Variants in SLC25A37 observed in about 807,000 individuals in gnomAD.
SLC25A37 encodes mitoferrin-1.
SLC25A37 carries 17 observed loss-of-function variants against 31.0 expected under a neutral mutation model. The ratio of observed to expected loss-of-function variants is 0.55; its 90% CI spans 0.38 to 0.82. SLC25A37 has a LOEUF of 0.82. Ranked by LOEUF, SLC25A37 falls within the 40% of genes least tolerant of loss-of-function variation. The probability of loss-of-function intolerance (pLI) is 0.00; values close to 1 mark genes in which losing one functional copy is unlikely to be tolerated. For synonymous variants in SLC25A37, 222 were observed against 193.0 expected (o/e 1.15, Z -1.24); for missense variants, 404 against 465.8 (o/e 0.87, Z 1.22).
chr8:23,529,463 C>T lies in SLC25A37; in HGVS notation c.210+251C>T, dbSNP rs1180218327. ...CCAGCCGCGTGCCCGGCCCCGGCTG[C>T]TGGCGGCGCTGAGGCGGGGGAGGCG... On this transcript the variant is annotated intron_variant, in intron 1 of 3. Coordinates refer to ENST00000519973, the MANE Select transcript of SLC25A37 (RefSeq NM_016612.4). The surrounding 1 kb of genome is among the most constrained non-coding windows in gnomAD (Gnocchi z 4.1). 2.6e-5 allele frequency among the ~76,000 whole-genome samples: 4 copies of T among 151,996 alleles called. No homozygotes were observed. Among genetic ancestry groups the T allele is most frequent in the African/African-American group, 7.2e-5 (3 of 41,534 alleles).
intron 1 of SLC25A37, among the ~76,000 whole-genome samples, chr8:23,544,648 C>G (rs1242927974): frequency 6.6e-6 from 1 of 152,174 alleles, no homozygotes; most frequent in Non-Finnish European, 1.5e-5. Context: ...GTATCTCTAT[C>G]TAGACCTGAA....
chr8:23,549,296 C>G (rs1298582420), intron 1 of SLC25A37, among the ~76,000 whole-genome samples: 1 of 152,140 alleles, frequency 6.6e-6, no homozygotes, highest in Non-Finnish European at 1.5e-5. Context: ...CTCCTCCTCT[C>G]ACTTTTGGAA....
At chr8:23,532,413 T>G (rs1029171464) in intron 1 of SLC25A37, among the ~76,000 whole-genome samples, 2 of 152,162 alleles carry the variant, frequency 1.3e-5, no homozygotes, top group Admixed American at 6.5e-5. Context: ...TTTCTGGTGT[T>G]CCAGAGTGGC....
In SLC25A37 at chr8:23,564,416, G is replaced by A. The variant is rs558376034; in HGVS notation, c.211-1692G>A. On this transcript the variant is annotated intron_variant, in intron 1 of 3. Coordinates refer to ENST00000519973, the MANE Select transcript of SLC25A37 (RefSeq NM_016612.4). ...TTATGATTTTGTTTGGAGATAAAAGGATACCCCTGCCAAAAGTTGAAAAGC... is the reference window on the plus strand; with the variant it reads ...TTATGATTTTGTTTGGAGATAAAAGAATACCCCTGCCAAAAGTTGAAAAGC... Among the ~76,000 whole-genome samples, 5 of 140,488 alleles carry A rather than the reference G, an allele frequency of 3.6e-5. No homozygotes were observed. In the South Asian group the frequency reaches 9.9e-4, roughly 28 times the overall value. The allele number at this position is 140,488 out of a possible 152,430, so 92.2% of individuals were successfully genotyped here.
At chr8:23,553,556 A>G (rs1452481800) in intron 1 of SLC25A37, among the ~76,000 whole-genome samples, 2 of 152,200 alleles carry the variant, frequency 1.3e-5, no homozygotes, top group Non-Finnish European at 2.9e-5. Context: ...GGCCCTGGGT[A>G]GTCTAGCTTA....
At chr8:23,536,398 A>G (rs1293439686) in intron 1 of SLC25A37, among the ~76,000 whole-genome samples, 2 of 151,786 alleles carry the variant, frequency 1.3e-5, no homozygotes, top group Non-Finnish European at 1.5e-5. Context: ...CCTCACAGAG[A>G]CTTCTGGCTA....
At chr8:23,533,329 G>A (rs1801698771) in intron 1 of SLC25A37, among the ~76,000 whole-genome samples, 1 of 152,154 alleles carries the variant, frequency 6.6e-6, no homozygotes, top group Non-Finnish European at 1.5e-5. Flanking sequence ...AGTAGGGAGA[G>A]GTATTTGGGG....
At position 23,571,444 on chromosome 8, in the gene SLC25A37, C is replaced by T. The variant is rs762626964; in HGVS notation, c.606C>T (p.Thr202=). 1.2e-6 allele frequency: 2 copies of T among 1,614,010 alleles called. No individual in the cohort carries two copies. Among genetic ancestry groups the T allele is most frequent in the Non-Finnish European group, 8.5e-7 (1 of 1,179,888 alleles). Residue 202 remains threonine, a synonymous_variant, in exon 4 of 4, where the codon ACC becomes ACT. Coordinates refer to ENST00000519973, the MANE Select transcript of SLC25A37 (RefSeq NM_016612.4). ...EGLGAFYRSY[T]TQLTMNIPFQ... is the part of the protein sequence containing the mutation. ...TGGGGGCCTTCTACCGGAGCTACAC[C>T]ACGCAGCTGACCATGAACATCCCCT...
At chr8:23,563,197 T>A (rs55719264) in intron 1 of SLC25A37, among the ~76,000 whole-genome samples, 4 of 152,194 alleles carry the variant, frequency 2.6e-5, no homozygotes, top group Non-Finnish European at 5.9e-5. Flanking sequence ...TAATTTTTAA[T>A]TTTTTTTAAG....
At chr8:23,530,333 A>G (rs1039610698) in intron 1 of SLC25A37, among the ~76,000 whole-genome samples, 3 of 152,230 alleles carry the variant, frequency 2.0e-5, no homozygotes, top group African/African-American at 4.8e-5. Context: ...TTTGCAAGGC[A>G]GGTCCCACAG....
Position 23,529,224 on chromosome 8 carries a change from G to T in SLC25A37, c.210+12G>T. ...TGGACTCGGTGAAGGTGAGGCGCGG[G>T]GAGACTTCGGGGACGCAACGAGCGG... is the stretch of plus-strand genomic sequence containing the variant. On this transcript the variant is annotated intron_variant, in intron 1 of 3. Transcript: ENST00000519973. This position sits in a 1 kb window ranked among gnomAD's most constrained non-coding sequence, Gnocchi z 4.1. 2.5e-6 allele frequency: 4 copies of T among 1,602,078 alleles called. No individual in the cohort carries two copies. The highest frequency in any genetic ancestry group is 3.4e-6 in the Non-Finnish European group (4 of 1,175,286).
At chr8:23,569,402 T>TACACACACACACACACACACACACACAC (rs10608830) in intron 3 of SLC25A37, among the ~76,000 whole-genome samples, 4 of 150,140 alleles carry the variant, frequency 2.7e-5, no homozygotes, top group African/African-American at 7.4e-5. Flanking sequence ...TATGTGTGCA[T>TACACACACACACACACACACACACACAC]ACACACACAC....
intron 1 of SLC25A37, among the ~76,000 whole-genome samples, chr8:23,560,609 A>G (rs1567668): frequency 0.58 from 87,997 of 152,124 alleles, 25,902 homozygotes; most frequent in African/African-American, 0.62. Context: ...GGCTGCTGTG[A>G]CTGCAGTGGT....
intron 1 of SLC25A37, chr8:23,542,985 T>C (rs1270184861): frequency 6.6e-6 from 1 of 152,278 alleles, no homozygotes; most frequent in African/African-American, 2.4e-5. Flanking sequence ...TTAAGCCAAG[T>C]GTTATTACAA....
At chr8:23,561,792 C>T (rs958331365) in intron 1 of SLC25A37, among the ~76,000 whole-genome samples, 5 of 152,228 alleles carry the variant, frequency 3.3e-5, no homozygotes, top group Admixed American at 3.3e-4. Context: ...AAAAAGAAGA[C>T]TTGAATCAGT....
At chr8:23,571,055 G>A (rs1376502848) in intron 3 of SLC25A37, among the ~76,000 whole-genome samples, 2 of 152,148 alleles carry the variant, frequency 1.3e-5, no homozygotes, top group African/African-American at 2.4e-5. Context: ...TGCCTGGTTC[G>A]GGGGCTGCCT....
At chr8:23,538,380 C>CAAAAAAAAAAA (rs1286476649) in intron 1 of SLC25A37, among the ~76,000 whole-genome samples, 5 of 10,758 alleles carry the variant, frequency 4.6e-4, no homozygotes, top group Non-Finnish European at 8.0e-4. Context: ...GACTTCATCT[C>CAAAAAAAAAAA]AAAAAAAAAA....
chr8:23,558,321 C>G (rs1802421938), intron 1 of SLC25A37, among the ~76,000 whole-genome samples: 1 of 152,168 alleles, frequency 6.6e-6, no homozygotes, highest in South Asian at 2.1e-4. Context: ...CAGCTTGCCC[C>G]CTTCTCTTTT....
intron 1 of SLC25A37, among the ~76,000 whole-genome samples, chr8:23,555,903 G>A (rs1033532818): frequency 1.3e-5 from 2 of 152,224 alleles, no homozygotes; most frequent in African/African-American, 2.4e-5. Flanking sequence ...GGCAGGGAAA[G>A]CCACGTAGAC....
Sources: allele counts gnomAD v4.1 joint callset (sites outside exome capture counted in the v4.1 genomes callset), GRCh38; gene constraint gnomAD v4.1.1; non-coding constraint Gnocchi (gnomAD v3.1); transcripts MANE v1.5; gene names NCBI Gene and HGNC (gene_info 2026-07-23, HGNC 2026-07-21).